KRT73: variants seen among roughly 807,000 people sequenced by gnomAD.
KRT73 encodes the protein keratin, type II cytoskeletal 73.
In KRT73, 44 loss-of-function variants were observed where a neutral mutation model predicts 47.2. That is an observed-to-expected ratio of 0.93 (90% CI 0.73 to 1.20). The LOEUF (loss-of-function observed/expected upper bound fraction) is 1.20. Ranked by LOEUF, KRT73 falls within the 50% of genes most tolerant of loss-of-function variation. KRT73 has a pLI of 0.00. For synonymous variants in KRT73, 285 were observed against 291.3 expected, an observed-to-expected ratio of 0.98 and a Z score of 0.22; for missense variants, 713 against 704.5, an observed-to-expected ratio of 1.01 and a Z score of -0.14.
upstream of KRT73, among the ~76,000 whole-genome samples, chr12:52,619,587 C>A (rs1409741568): frequency 3.3e-5 from 5 of 152,194 alleles, no homozygotes; most frequent in Admixed American, 6.5e-5. Context: ...AACCAGCCAG[C>A]CAGCCATCTA....
At chr12:52,610,529 G>A (rs997897629) in intron 7 of KRT73, 86 bp downstream of exon 7, 33 of 297,104 alleles carry the variant, frequency 1.1e-4, no homozygotes, top group Non-Finnish European at 1.4e-4. Flanking sequence ...CCAGCTCGCC[G>A]CCCCCTCCCC....
At chr12:52,609,199 G>A in intron 8 of KRT73, 48 bp downstream of exon 8, 1 of 1,576,716 alleles carries the variant, frequency 6.3e-7, no homozygotes, top group Non-Finnish European at 8.7e-7. Context: ...CCCACTTTGT[G>A]TTTGTTGATG....
chr12:52,627,358 G>A, the KRT73 span, among the ~76,000 whole-genome samples: 17 of 152,326 alleles, frequency 1.1e-4, no homozygotes, highest in South Asian at 6.2e-4. Flanking sequence ...ATAAATGGTT[G>A]TTGAATGAAT....
At chr12:52,627,074 C>A in the KRT73 span, among the ~76,000 whole-genome samples, 1 of 152,114 alleles carries the variant, frequency 6.6e-6, no homozygotes, top group Non-Finnish European at 1.5e-5. Context: ...ACTTATGTGC[C>A]CAGCACTGCT....
intron 2 of KRT73, among the ~76,000 whole-genome samples, chr12:52,615,807 G>A (rs1940802130): frequency 6.6e-6 from 1 of 152,108 alleles, no homozygotes; most frequent in Admixed American, 6.5e-5. Flanking sequence ...AGCCCAACAG[G>A]AACTCCACCT....
At position 52,608,275 on chromosome 12, in the gene KRT73, A is replaced by C; in HGVS notation, c.1544T>G (p.Leu515Arg). ...CSPRGEARTR[L>R]GSASEFRDSQ... ...GTCCCTGAATTCACTTGCACTCCCC[A>C]GCCTGGTCCTGGCTTCCCCACGGGG... is the stretch of plus-strand genomic sequence containing the variant. Residue 515 changes from leucine to arginine, a missense_variant, in exon 9 of 9, where the codon CTG (leucine) becomes CGG (arginine). Transcript: ENST00000305748. 1 of 1,614,108 alleles carries C rather than the reference A, an allele frequency of 6.2e-7. No individual in the cohort carries two copies. The highest frequency in any genetic ancestry group is 8.5e-7 in the Non-Finnish European group (1 of 1,180,024).
chr12:52,629,033 A>G, the KRT73 span, among the ~76,000 whole-genome samples: 1,976 of 152,286 alleles, frequency 0.013, 25 homozygotes, highest in Non-Finnish European at 0.019. Flanking sequence ...CAGCATGTGC[A>G]GGATTCCTAG....
chr12:52,613,262 C>T (rs61521894), intron 5 of KRT73: 25,407 of 156,788 alleles, frequency 0.16, 2,242 homozygotes, highest in African/African-American at 0.19. Flanking sequence ...TGGAGTTAGA[C>T]TTGAATGAAA....
At chr12:52,610,526 G>GCCCCCCCCCCCCCCCCCCCCCCCCC in intron 7 of KRT73, 89 bp downstream of exon 7, 1 of 401,430 alleles carries the variant, frequency 2.5e-6, no homozygotes, top group Non-Finnish European at 5.0e-6. Flanking sequence ...TCGCCAGCTC[G>GCCCCCCCCCCCCCCCCCCCCCCCCC]CCGCCCCCTC....
chr12:52,626,634 T>C, the KRT73 span, among the ~76,000 whole-genome samples: 1 of 152,142 alleles, frequency 6.6e-6, no homozygotes, highest in Admixed American at 6.5e-5. Flanking sequence ...TGTGCTCATC[T>C]AAATTTCTAC....
intron 3 of KRT73, 119 bp from the exon 4 acceptor site, chr12:52,614,793 G>T: frequency 1.4e-6 from 1 of 723,882 alleles, no homozygotes. Context: ...AGATCCAAGG[G>T]GCAGGAACCG....
chr12:52,620,514 T>C (rs963045780), upstream of KRT73, among the ~76,000 whole-genome samples: 1 of 152,194 alleles, frequency 6.6e-6, no homozygotes, highest in Non-Finnish European at 1.5e-5. Flanking sequence ...CCTAATTGGC[T>C]CATTTCAGCA....
chr12:52,620,763 C>T (rs1940892717), upstream of KRT73, among the ~76,000 whole-genome samples: 1 of 152,238 alleles, frequency 6.6e-6, no homozygotes, highest in Non-Finnish European at 1.5e-5. Flanking sequence ...GAAACCTTCT[C>T]TGATCACTTT....
At chr12:52,627,065 C>A in the KRT73 span, among the ~76,000 whole-genome samples, 1 of 152,228 alleles carries the variant, frequency 6.6e-6, no homozygotes. Flanking sequence ...GGTGCACCTA[C>A]TTATGTGCCC....
intron 6 of KRT73, 183 bp from the exon 7 acceptor site, chr12:52,611,018 C>T: frequency 1.1e-6 from 1 of 940,486 alleles, no homozygotes; most frequent in Non-Finnish European, 1.6e-6. Context: ...GGCCCCACAG[C>T]TTTATGAAAA....
intron 5 of KRT73, chr12:52,611,567 C>A: frequency 1.9e-6 from 1 of 529,206 alleles, no homozygotes; most frequent in East Asian, 3.2e-5. Flanking sequence ...ATGTCCCAGA[C>A]TCTCCATATG....
chr12:52,630,521 CGA>C, the KRT73 span, among the ~76,000 whole-genome samples: 1 of 152,202 alleles, frequency 6.6e-6, no homozygotes, highest in African/African-American at 2.4e-5. Flanking sequence ...GAGTGGATCA[CGA>C]GAGACCAGGT....
intron 3 of KRT73, 98 bp downstream of exon 3, chr12:52,615,181 C>T (rs1940790692): frequency 1.4e-5 from 14 of 1,020,990 alleles, no homozygotes; most frequent in Non-Finnish European, 2.1e-5. Context: ...ACTTTGGCTC[C>T]AGGCCCTTCT....
At chr12:52,629,962 C>T in the KRT73 span, among the ~76,000 whole-genome samples, 1 of 152,292 alleles carries the variant, frequency 6.6e-6, no homozygotes, top group African/African-American at 2.4e-5. Flanking sequence ...TGCCTTCCAC[C>T]CTTTCCAAGC....
Sources: gnomAD v4.1 joint callset for allele counts (sites outside exome capture counted in the v4.1 genomes callset) on GRCh38, gnomAD v4.1.1 for gene constraint, MANE v1.5 for transcripts, NCBI Gene and HGNC (gene_info 2026-07-23, HGNC 2026-07-21) for gene names.